KIRREL3: variants seen among roughly 807,000 people sequenced by gnomAD.
KIRREL3 encodes kin of IRRE-like protein 3.
Under a neutral mutation model 89.7 loss-of-function variants are expected in KIRREL3, and 36 were observed. The ratio of observed to expected loss-of-function variants is 0.40; its 90% CI spans 0.31 to 0.53. The LOEUF (loss-of-function observed/expected upper bound fraction) is 0.53, where lower values mean the gene tolerates loss of function less well. Among genes scored for constraint, KIRREL3 ranks in the 20% least tolerant of loss-of-function variants. The pLI is 0.49. For missense variants in KIRREL3, 864 were observed against 1,056.6 expected (o/e 0.82, Z 2.53); for synonymous variants, 445 against 441.4 (o/e 1.01, Z -0.10).
intron 4 of KIRREL3, among the ~76,000 whole-genome samples, chr11:126,497,783 T>C (rs1957721405): frequency 6.6e-6 from 1 of 152,192 alleles, no homozygotes; most frequent in Non-Finnish European, 1.5e-5. Context: ...CCAGGTGCTC[T>C]CTTGGGGAGG....
chr11:126,448,279 C>CAAA (rs55787866), intron 8 of KIRREL3, among the ~76,000 whole-genome samples: 6 of 95,350 alleles, frequency 6.3e-5, no homozygotes, highest in South Asian at 3.5e-4. Flanking sequence ...GAGACTGTCT[C>CAAA]AAAAAAAAAA....
Position 126,525,456 on chromosome 11 carries a change from C to T in KIRREL3, c.283+1082G>A, listed in dbSNP as rs1234184478. ...TTTTCCATGCTCAGCTGGGCTGCAG[C>T]GTTCAAACCTCGTGCCTGCTATTGA... On this transcript the variant is annotated intron_variant, in intron 3 of 16. Transcript: ENST00000525144. The surrounding 1 kb of genome is among the most constrained non-coding windows in gnomAD (Gnocchi z 5.4). Among the ~76,000 whole-genome samples the T allele has an allele frequency of 1.3e-5, 2 of 152,164 alleles. No individual in the cohort carries two copies. The highest frequency in any genetic ancestry group is 2.4e-5 in the African/African-American group (1 of 41,446).
At chr11:126,448,145 T>G (rs7103486) in intron 8 of KIRREL3, among the ~76,000 whole-genome samples, 52,436 of 151,640 alleles carry the variant, frequency 0.35, 9,427 homozygotes, top group African/African-American at 0.42. Flanking sequence ...TATCTGGGTA[T>G]GGTGGCAAGT....
At chr11:126,583,754 G>A (rs568919674) in intron 1 of KIRREL3, among the ~76,000 whole-genome samples, 24 of 152,226 alleles carry the variant, frequency 1.6e-4, no homozygotes, top group Admixed American at 1.4e-3. Context: ...GGCACGCAGC[G>A]AGGACTCCCT....
intron 1 of KIRREL3, among the ~76,000 whole-genome samples, chr11:126,658,672 ACTTTTT>A (rs1415291239): frequency 1.3e-5 from 2 of 152,156 alleles, no homozygotes; most frequent in African/African-American, 2.4e-5. Context: ...TCTCGTTAAG[ACTTTTT>A]CTTTGTCTTT....
At chr11:126,951,413 A>G (rs1948769717) in intron 1 of KIRREL3, among the ~76,000 whole-genome samples, 1 of 152,208 alleles carries the variant, frequency 6.6e-6, no homozygotes, top group African/African-American at 2.4e-5. Flanking sequence ...TATTGCCTGC[A>G]GCATCTGGCT....
intron 1 of KIRREL3, among the ~76,000 whole-genome samples, chr11:126,792,741 T>C (rs1288407126): frequency 1.3e-5 from 2 of 152,236 alleles, no homozygotes; most frequent in African/African-American, 4.8e-5. Context: ...TAGACCATGA[T>C]ACGAAGTGGA....
chr11:126,692,207 G>A lies in KIRREL3; in HGVS notation c.56-129295C>T, dbSNP rs374101716. On this transcript the variant is annotated intron_variant, in intron 1 of 16. Coordinates refer to ENST00000525144, the MANE Select transcript of KIRREL3 (RefSeq NM_032531.4). ...AACATTAAAAGCAGGGTGTCGATTCGCACACCCACGTTCACAGCCACACTA... is the reference window on the plus strand; with the variant it reads ...AACATTAAAAGCAGGGTGTCGATTCACACACCCACGTTCACAGCCACACTA... Among the ~76,000 whole-genome samples, 9 of 152,122 alleles carry A rather than the reference G, an allele frequency of 5.9e-5. No individual in the cohort carries two copies. In the East Asian group the frequency reaches 7.7e-4, roughly 13 times the overall value.
Position 126,905,109 on chromosome 11 carries a change from G to A in KIRREL3, c.55+95346C>T, listed in dbSNP as rs536417162. Among the ~76,000 whole-genome samples, 28 of 152,322 alleles carry A rather than the reference G, an allele frequency of 1.8e-4. 1 individual carries two copies. The South Asian group carries it at 4.1e-3, about 23-fold the overall frequency. The stretch of plus-strand genomic sequence containing the variant: ...GGTTGGTGTCTATGAAGACAGCTGT[G>A]TGTCATCAACAGAAGGTTCTCATAC... On this transcript the variant is annotated intron_variant, in intron 1 of 16. Coordinates refer to ENST00000525144, the MANE Select transcript of KIRREL3 (RefSeq NM_032531.4). The surrounding 1 kb of genome is among the most constrained non-coding windows in gnomAD (Gnocchi z 5.0).
intron 1 of KIRREL3, among the ~76,000 whole-genome samples, chr11:126,799,302 G>C (rs1268244558): frequency 2.0e-5 from 1 of 50,510 alleles, no homozygotes; most frequent in Non-Finnish European, 3.5e-5. Context: ...ATCTGTACGT[G>C]TGTGCATGTG....
Position 126,797,504 on chromosome 11 carries a change from C to T in KIRREL3, c.55+202951G>A, listed in dbSNP as rs1950851664. Among the ~76,000 whole-genome samples, 1 of 152,046 alleles carries T rather than the reference C, an allele frequency of 6.6e-6. No individual in the cohort carries two copies. Among genetic ancestry groups the T allele is most frequent in the Non-Finnish European group, 1.5e-5 (1 of 68,012 alleles). On this transcript the variant is annotated intron_variant, in intron 1 of 16. Transcript: ENST00000525144. This position sits in a 1 kb window ranked among gnomAD's most constrained non-coding sequence, Gnocchi z 4.9. ...ACCTGGGAAGCTAAACTGTCCACAC[C>T]CTTCTCCCATGGTGATCCCCAGAAG...
intron 4 of KIRREL3, among the ~76,000 whole-genome samples, chr11:126,517,750 T>C (rs1304039081): frequency 6.6e-6 from 1 of 152,220 alleles, no homozygotes; most frequent in Non-Finnish European, 1.5e-5. Flanking sequence ...CATGGCCTTT[T>C]GGGAGCGAGA....
Position 126,491,899 on chromosome 11 carries a change from A to C in KIRREL3, c.434-18433T>G, listed in dbSNP as rs1957526716. Reference sequence around the variant, plus strand: ...GTATTTTTAGTAGAGATGGGGTTTCACCATGTTGGCCAGGCTGGTCTCGAA... The same window carrying C: ...GTATTTTTAGTAGAGATGGGGTTTCCCCATGTTGGCCAGGCTGGTCTCGAA... On this transcript the variant is annotated intron_variant, in intron 4 of 16. Transcript: ENST00000525144. This position sits in a 1 kb window ranked among gnomAD's most constrained non-coding sequence, Gnocchi z 5.5. 6.6e-6 allele frequency among the ~76,000 whole-genome samples: 1 copy of C among 151,874 alleles called. No individual in the cohort carries two copies. Among genetic ancestry groups the C allele is most frequent in the South Asian group, 2.1e-4 (1 of 4,800 alleles).
rs1026930242 is a variant in KIRREL3 at position 126,475,159 on chromosome 11, G to A, written c.434-1693C>T. Among the ~76,000 whole-genome samples, 1 of 152,208 alleles carries A rather than the reference G, an allele frequency of 6.6e-6. No individual in the cohort carries two copies. The highest frequency in any genetic ancestry group is 1.5e-5 in the Non-Finnish European group (1 of 68,038). Reference sequence around the variant, plus strand: ...GCACAAAGGGTCCTCTCTGCCTGGTGGCCAGAGAAGCCCGCCCTTCTATGC... The same window carrying A: ...GCACAAAGGGTCCTCTCTGCCTGGTAGCCAGAGAAGCCCGCCCTTCTATGC... On this transcript the variant is annotated intron_variant, in intron 4 of 16. Transcript: ENST00000525144. This position sits in a 1 kb window ranked among gnomAD's most constrained non-coding sequence, Gnocchi z 7.5.
rs1941259295 is a variant in KIRREL3 at position 126,576,434 on chromosome 11, T to C, written c.56-13522A>G. Reference sequence around the variant, plus strand: ...GTTCTGGCTGTTATGGATATTGTGATGAACAAGACAGAGAAGAATTTTTGC... The same window carrying C: ...GTTCTGGCTGTTATGGATATTGTGACGAACAAGACAGAGAAGAATTTTTGC... On this transcript the variant is annotated intron_variant, in intron 1 of 16. Transcript: ENST00000525144. This position sits in a 1 kb window ranked among gnomAD's most constrained non-coding sequence, Gnocchi z 5.4. 6.6e-6 allele frequency among the ~76,000 whole-genome samples: 1 copy of C among 152,222 alleles called. No individual in the cohort carries two copies. The highest frequency in any genetic ancestry group is 2.4e-5 in the African/African-American group (1 of 41,466).
At chr11:126,631,538 G>A (rs1179231706) in intron 1 of KIRREL3, among the ~76,000 whole-genome samples, 2 of 152,190 alleles carry the variant, frequency 1.3e-5, no homozygotes, top group Admixed American at 6.5e-5. Flanking sequence ...GTTGGAAATT[G>A]AGATGGAGAG....
chr11:126,440,184 AGGAT>A, intron 11 of KIRREL3: 1 of 673,048 alleles, frequency 1.5e-6, no homozygotes, highest in Non-Finnish European at 2.7e-6. Flanking sequence ...CTCTGCCCTT[AGGAT>A]GCGGAATTTG....
At position 126,892,015 on chromosome 11, in the gene KIRREL3, C is replaced by T. The variant is rs975297014; in HGVS notation, c.55+108440G>A. 2.0e-5 allele frequency among the ~76,000 whole-genome samples: 3 copies of T among 152,172 alleles called. No homozygotes were observed. Among genetic ancestry groups the T allele is most frequent in the African/African-American group, 7.2e-5 (3 of 41,438 alleles). Reference sequence around the variant, plus strand: ...TGGCTCCCTTCCCCTTCCTTCCATGCCCAGCTGGAGACAGAATGCTGGACT... The same window carrying T: ...TGGCTCCCTTCCCCTTCCTTCCATGTCCAGCTGGAGACAGAATGCTGGACT... On this transcript the variant is annotated intron_variant, in intron 1 of 16. Transcript: ENST00000525144. This position sits in a 1 kb window ranked among gnomAD's most constrained non-coding sequence, Gnocchi z 5.4.
intron 6 of KIRREL3, among the ~76,000 whole-genome samples, chr11:126,457,627 C>T: frequency 6.6e-6 from 1 of 151,660 alleles, no homozygotes; most frequent in East Asian, 1.9e-4. Context: ...TTGAGAAGTG[C>T]AGAAAAAGGG....
Sources: allele counts gnomAD v4.1 joint callset (sites outside exome capture counted in the v4.1 genomes callset), GRCh38; gene constraint gnomAD v4.1.1; non-coding constraint Gnocchi (gnomAD v3.1); transcripts MANE v1.5; gene names NCBI Gene and HGNC (gene_info 2026-07-23, HGNC 2026-07-21).